SLC41A2: variants seen among roughly 807,000 people sequenced by gnomAD.
The protein encoded by SLC41A2 is solute carrier family 41 member 2, also known as SLC41A1-like 1.
Under a neutral mutation model 58.3 loss-of-function variants are expected in SLC41A2, and 32 were observed. That is an observed-to-expected ratio of 0.55 (90% confidence interval 0.41 to 0.74). The LOEUF (loss-of-function observed/expected upper bound fraction) is 0.74. SLC41A2 is among the 30% of genes least tolerant of loss of function. The probability of loss-of-function intolerance (pLI) is 0.00; values close to 1 mark genes in which losing one functional copy is unlikely to be tolerated. For missense variants in SLC41A2, 514 were observed against 680.6 expected (o/e 0.76, Z 2.72); for synonymous variants, 190 against 235.0 (o/e 0.81, Z 1.75).
chr12:104,835,868 G>C (rs980428495), intron 10 of SLC41A2, among the ~76,000 whole-genome samples: 1 of 151,332 alleles, frequency 6.6e-6, no homozygotes, highest in Non-Finnish European at 1.5e-5. Context: ...TTTTGAGACA[G>C]AGTCTTGCTC....
At chr12:104,916,805 C>T (rs1428024858) in intron 2 of SLC41A2, among the ~76,000 whole-genome samples, 1 of 152,122 alleles carries the variant, frequency 6.6e-6, no homozygotes, top group Admixed American at 6.5e-5. Flanking sequence ...CTTCCTTACA[C>T]CTTATACAAA....
chr12:104,913,723 CA>C (rs1480999497), intron 2 of SLC41A2, among the ~76,000 whole-genome samples: 1 of 152,182 alleles, frequency 6.6e-6, no homozygotes, highest in Non-Finnish European at 1.5e-5. Context: ...TTGCAGGCTG[CA>C]ACCCTGTATG....
intron 8 of SLC41A2, among the ~76,000 whole-genome samples, chr12:104,848,035 G>A (rs1190441089): frequency 2.0e-5 from 3 of 152,228 alleles, no homozygotes; most frequent in East Asian, 1.9e-4. Flanking sequence ...AACAACAGCA[G>A]AATACATTTC....
chr12:104,878,784 T>G (rs1412549081), intron 6 of SLC41A2, among the ~76,000 whole-genome samples: 1 of 152,224 alleles, frequency 6.6e-6, no homozygotes, highest in Non-Finnish European at 1.5e-5. Context: ...CGTGTGCATA[T>G]GTCTTTATAG....
At chr12:104,900,860 G>T (rs1045648701) in intron 3 of SLC41A2, among the ~76,000 whole-genome samples, 1 of 152,148 alleles carries the variant, frequency 6.6e-6, no homozygotes, top group Non-Finnish European at 1.5e-5. Flanking sequence ...AATCTGAATT[G>T]GAAATCTAAC....
chr12:104,901,539 TTTTA>T (rs754375681), intron 3 of SLC41A2, among the ~76,000 whole-genome samples: 304 of 151,942 alleles, frequency 2.0e-3, no homozygotes, highest in Middle Eastern at 3.4e-3. Flanking sequence ...GGAAACCTAT[TTTTA>T]TTTATTTATT....
intron 8 of SLC41A2, among the ~76,000 whole-genome samples, chr12:104,856,307 A>C (rs2043018677): frequency 6.6e-6 from 1 of 152,248 alleles, no homozygotes; most frequent in Admixed American, 6.5e-5. Flanking sequence ...TAGAATTGCA[A>C]AAAGGGTATA....
chr12:104,933,107 G>A (rs2047132419), intron 1 of SLC41A2, among the ~76,000 whole-genome samples: 1 of 152,080 alleles, frequency 6.6e-6, no homozygotes, highest in African/African-American at 2.4e-5. Flanking sequence ...CCTACAGAAT[G>A]GGAGAAAACA....
At chr12:104,922,233 T>C (rs1301010495) in intron 2 of SLC41A2, among the ~76,000 whole-genome samples, 1 of 152,134 alleles carries the variant, frequency 6.6e-6, no homozygotes, top group African/African-American at 2.4e-5. Context: ...AGTGGCTACA[T>C]GGGTAAAGAA....
intron 10 of SLC41A2, among the ~76,000 whole-genome samples, chr12:104,826,127 C>A (rs2041836372): frequency 6.6e-6 from 1 of 152,076 alleles, no homozygotes; most frequent in Non-Finnish European, 1.5e-5. Flanking sequence ...TCAGAATGGG[C>A]AAACAGTTCT....
intron 1 of SLC41A2, among the ~76,000 whole-genome samples, chr12:104,947,202 T>G (rs2047756824): frequency 7.5e-6 from 1 of 133,290 alleles, no homozygotes; most frequent in African/African-American, 3.0e-5. Flanking sequence ...GTCCTTTTTT[T>G]TTTTTTTTTT....
chr12:104,880,106 GCTCT>G (rs1020140820), intron 6 of SLC41A2, among the ~76,000 whole-genome samples: 3 of 152,018 alleles, frequency 2.0e-5, no homozygotes, highest in African/African-American at 7.2e-5. Context: ...TCATGATTTG[GCTCT>G]CTGTTTGTCT....
intron 6 of SLC41A2, among the ~76,000 whole-genome samples, chr12:104,885,281 T>A (rs918331779): frequency 2.0e-5 from 3 of 152,220 alleles, no homozygotes; most frequent in African/African-American, 7.2e-5. Context: ...ATTGTTTTTA[T>A]GCCACTCACT....
intron 10 of SLC41A2, among the ~76,000 whole-genome samples, chr12:104,809,396 GTGGCTTGTCCAAAC>G (rs2041072364): frequency 6.6e-6 from 1 of 152,214 alleles, no homozygotes; most frequent in African/African-American, 2.4e-5. Flanking sequence ...AGGAAGGAGA[GTGGCTTGTCCAAAC>G]GTAGGAAGAC....
At chr12:104,858,463 T>C (rs1369079876) in intron 8 of SLC41A2, among the ~76,000 whole-genome samples, 1 of 152,202 alleles carries the variant, frequency 6.6e-6, no homozygotes, top group Non-Finnish European at 1.5e-5. Context: ...AGTTACCTGG[T>C]ACATAGTGGT....
intron 8 of SLC41A2, among the ~76,000 whole-genome samples, 157 bp downstream of exon 8, chr12:104,861,133 TA>T (rs2043198865): frequency 6.6e-6 from 1 of 152,220 alleles, no homozygotes. Flanking sequence ...CCTGGGAATG[TA>T]ATTTTCACTG....
At chr12:104,894,194 A>G (rs1371546595) in intron 4 of SLC41A2, among the ~76,000 whole-genome samples, 1 of 151,966 alleles carries the variant, frequency 6.6e-6, no homozygotes, top group Non-Finnish European at 1.5e-5. Flanking sequence ...TCTCTACAAA[A>G]AGTACAAAAA....
intron 3 of SLC41A2, among the ~76,000 whole-genome samples, chr12:104,903,634 A>G (rs763276472): frequency 6.6e-6 from 1 of 152,240 alleles, no homozygotes; most frequent in Non-Finnish European, 1.5e-5. Flanking sequence ...ACATACCAAC[A>G]ACAGTCCTGC....
chr12:104,901,375 C>G (rs1466209606), intron 3 of SLC41A2, among the ~76,000 whole-genome samples: 1 of 151,880 alleles, frequency 6.6e-6, no homozygotes, highest in African/African-American at 2.4e-5. Context: ...ATAATATCTA[C>G]TATAATTTCA....
Sources: allele counts gnomAD v4.1 joint callset (sites outside exome capture counted in the v4.1 genomes callset), GRCh38; gene constraint gnomAD v4.1.1; transcripts MANE v1.5; gene names NCBI Gene and HGNC (gene_info 2026-07-23, HGNC 2026-07-21).